Variants in CCDC3 observed in about 807,000 individuals in gnomAD.
CCDC3 encodes the protein coiled-coil domain containing 3, also known as coiled-coil domain-containing protein 3.
A neutral mutation model predicts 21.4 loss-of-function variants in CCDC3; 24 were observed. That is an observed-to-expected ratio of 1.12 (90% CI 0.81 to 1.58). The LOEUF (loss-of-function observed/expected upper bound fraction) is 1.58, where lower values mean the gene tolerates loss of function less well. Among genes scored for constraint, CCDC3 ranks in the 40% most tolerant of loss-of-function variants. The pLI, the probability that CCDC3 is intolerant of heterozygous loss-of-function variation, is 0.00. For missense variants in CCDC3, 425 were observed against 360.9 expected, an observed-to-expected ratio of 1.18 and a Z score of -1.44; for synonymous variants, 186 against 166.0, an observed-to-expected ratio of 1.12 and a Z score of -0.93.
intron 2 of CCDC3, among the ~76,000 whole-genome samples, chr10:12,930,217 G>A (rs556933171): frequency 3.9e-5 from 6 of 152,178 alleles, no homozygotes; most frequent in South Asian, 2.1e-4. Flanking sequence ...AGGACAATAC[G>A]TTGTACAGTT....
chr10:13,065,425 A>G lies in CCDC3; in HGVS notation c.-270+8443T>C, dbSNP rs530353837. On this transcript the variant is annotated intron_variant, in intron 4 of 6. Transcript: ENST00000378839. ...GCATCAGAATATTGAAAAAACAAGG[A>G]GATGATGTTGCTGATTCAGGAACTT... Among the ~76,000 whole-genome samples the G allele has an allele frequency of 2.6e-5, 4 of 152,326 alleles. No homozygotes were observed. The East Asian group carries it at 7.7e-4, about 29-fold the overall frequency.
chr10:12,918,078 A>G (rs1261018101), intron 2 of CCDC3, among the ~76,000 whole-genome samples: 2 of 152,132 alleles, frequency 1.3e-5, no homozygotes, highest in African/African-American at 4.8e-5. Flanking sequence ...TAGCAAATCA[A>G]TTATTCTCCC....
At chr10:12,951,454 G>A (rs561081953) in intron 2 of CCDC3, among the ~76,000 whole-genome samples, 13 of 152,210 alleles carry the variant, frequency 8.5e-5, no homozygotes, top group South Asian at 2.1e-4. Context: ...AAATCCATCC[G>A]GGGGTCTCTA....
intron 2 of CCDC3, among the ~76,000 whole-genome samples, chr10:12,900,954 G>A (rs942854906): frequency 6.6e-6 from 1 of 152,118 alleles, no homozygotes; most frequent in Admixed American, 6.5e-5. Context: ...ATAGCCGATA[G>A]CCCTAAGCTG....
intron 2 of CCDC3, among the ~76,000 whole-genome samples, chr10:12,917,340 C>T (rs2131212104): frequency 6.6e-6 from 1 of 151,816 alleles, no homozygotes; most frequent in Admixed American, 6.6e-5. Context: ...ACTACAGGTA[C>T]CCGCCACCAT....
chr10:12,986,283 T>C (rs541894102), intron 2 of CCDC3, among the ~76,000 whole-genome samples: 26 of 152,292 alleles, frequency 1.7e-4, no homozygotes, highest in African/African-American at 6.0e-4. Context: ...GCCTGTGTAA[T>C]GACTGAATAC....
At chr10:12,950,123 T>C (rs1024504069) in intron 2 of CCDC3, among the ~76,000 whole-genome samples, 1 of 152,198 alleles carries the variant, frequency 6.6e-6, no homozygotes, top group Non-Finnish European at 1.5e-5. Context: ...TCTACTGTTC[T>C]CTCTCCTTGT....
At chr10:12,925,033 C>A (rs1834513292) in intron 2 of CCDC3, among the ~76,000 whole-genome samples, 1 of 152,154 alleles carries the variant, frequency 6.6e-6, no homozygotes, top group Admixed American at 6.5e-5. Flanking sequence ...ACCTGAAGTT[C>A]CAGAAGCCTC....
At chr10:13,096,470 C>T (rs1182221786) in intron 3 of CCDC3, among the ~76,000 whole-genome samples, 2 of 152,160 alleles carry the variant, frequency 1.3e-5, no homozygotes, top group Non-Finnish European at 2.9e-5. Flanking sequence ...CCGCCCTGGG[C>T]CTCTTTACTT....
chr10:13,035,033 T>C (rs28592699), intron 5 of CCDC3, among the ~76,000 whole-genome samples: 1 of 139,574 alleles, frequency 7.2e-6, no homozygotes, highest in Non-Finnish European at 1.5e-5. Context: ...CTCAAAAAAT[T>C]AAAAAAAAAA....
rs185871167 is a variant in CCDC3, at chr10:13,010,019, G to A, written c.-1-11507C>T. Among the ~76,000 whole-genome samples the A allele has an allele frequency of 5.4e-3, 820 of 152,254 alleles. 5 individuals are homozygous for A. The highest frequency in any genetic ancestry group is 9.5e-3 in the Non-Finnish European group (647 of 68,010). On this transcript the variant is annotated intron_variant, in intron 5 of 6. Coordinates refer to the CCDC3 transcript ENST00000378839. Reference sequence around the variant, plus strand: ...TCCCAGCACTTTGGGAGGCTGAGGCGGTTGGATCACCTGAGGTCAGGAGTT... The same window carrying A: ...TCCCAGCACTTTGGGAGGCTGAGGCAGTTGGATCACCTGAGGTCAGGAGTT...
chr10:13,058,528 C>G, intron 4 of CCDC3: 1 of 737,170 alleles, frequency 1.4e-6, no homozygotes, highest in Non-Finnish European at 2.5e-6. Context: ...AACTATCATC[C>G]TGTATTTGGG....
chr10:12,952,899 C>A (rs1835028159), intron 2 of CCDC3, among the ~76,000 whole-genome samples: 1 of 152,132 alleles, frequency 6.6e-6, no homozygotes, highest in Non-Finnish European at 1.5e-5. Flanking sequence ...TCTTGCAGTT[C>A]ATCTGGTTAG....
chr10:12,898,118 A>AG lies in CCDC3; in HGVS notation c.*297dup, dbSNP rs1006898343. ...ATTCTAAAATGTTCTCTCCCCAGTC[A>AG]GGGCTCTTTCTGGGCTGCTCTGCAG... On this transcript the variant is annotated 3_prime_UTR_variant, in exon 3 of 3. Coordinates refer to ENST00000378825, the MANE Select transcript of CCDC3 (RefSeq NM_031455.4). 4.8e-6 allele frequency: 2 copies of AG among 412,484 alleles called. No homozygotes were observed. Among genetic ancestry groups the AG allele is most frequent in the Admixed American group, 3.9e-5 (1 of 25,348 alleles). 25.6% of individuals were successfully genotyped at this position (412,484 alleles called of 1,614,324 possible).
At chr10:13,091,938 G>A (rs1832577307) in intron 3 of CCDC3, among the ~76,000 whole-genome samples, 1 of 152,066 alleles carries the variant, frequency 6.6e-6, no homozygotes, top group African/African-American at 2.4e-5. Context: ...CTGGAAAGAT[G>A]CCACCTGAAA....
chr10:12,953,002 G>A (rs992454634), intron 2 of CCDC3, among the ~76,000 whole-genome samples: 1 of 152,074 alleles, frequency 6.6e-6, no homozygotes, highest in African/African-American at 2.4e-5. Flanking sequence ...GGGAGGGAGG[G>A]GTAATCCACA....
At chr10:13,077,529 CA>C (rs1450153719) in intron 3 of CCDC3, among the ~76,000 whole-genome samples, 1 of 152,076 alleles carries the variant, frequency 6.6e-6, no homozygotes, top group African/African-American at 2.4e-5. Flanking sequence ...CATATGGAAC[CA>C]AAAAAGAGCT....
chr10:13,068,573 T>TGCAG (rs1281858237), intron 4 of CCDC3, among the ~76,000 whole-genome samples: 1 of 152,228 alleles, frequency 6.6e-6, no homozygotes, highest in Non-Finnish European at 1.5e-5. Flanking sequence ...GTTTGCTAAA[T>TGCAG]GTTTTAAGGT....
intron 4 of CCDC3, among the ~76,000 whole-genome samples, chr10:13,066,069 G>C (rs1276576690): frequency 1.3e-5 from 2 of 152,096 alleles, no homozygotes; most frequent in Non-Finnish European, 1.5e-5. Flanking sequence ...TGAAATGATT[G>C]AGATGCAAAA....
Sources: allele counts gnomAD v4.1 joint callset (sites outside exome capture counted in the v4.1 genomes callset), GRCh38; gene constraint gnomAD v4.1.1; transcripts MANE v1.5; gene names NCBI Gene and HGNC (gene_info 2026-07-23, HGNC 2026-07-21).